Variants in DOCK5 observed in about 807,000 individuals in gnomAD.
DOCK5 encodes dedicator of cytokinesis protein 5.
DOCK5 carries 142 observed loss-of-function variants against 251.8 expected under a neutral mutation model. The observed-to-expected ratio is 0.56, with a 90% CI of 0.49 to 0.65. The LOEUF (loss-of-function observed/expected upper bound fraction) is 0.65. DOCK5 is among the 30% of genes least tolerant of loss of function. The probability of loss-of-function intolerance (pLI) is 0.00; values close to 1 mark genes in which losing one functional copy is unlikely to be tolerated. For missense variants in DOCK5, 2,111 were observed against 2,312.3 expected (o/e 0.91, Z 1.79); for synonymous variants, 842 against 835.5 (o/e 1.01, Z -0.13).
chr8:25,188,499 A>G (rs1801487558), intron 1 of DOCK5, among the ~76,000 whole-genome samples: 1 of 152,208 alleles, frequency 6.6e-6, no homozygotes, highest in Admixed American at 6.5e-5. Context: ...TGGACTCAGT[A>G]TGAATTGTGC....
At chr8:25,367,973 T>C (rs1800807526) in intron 31 of DOCK5, among the ~76,000 whole-genome samples, 1 of 152,162 alleles carries the variant, frequency 6.6e-6, no homozygotes, top group Non-Finnish European at 1.5e-5. Context: ...TCAGCTATTT[T>C]TCAGCGTTTC....
intron 4 of DOCK5, 81 bp downstream of exon 4, chr8:25,275,522 C>T: frequency 7.3e-7 from 1 of 1,366,218 alleles, no homozygotes; most frequent in Non-Finnish European, 1.0e-6. Flanking sequence ...GGCATTAATG[C>T]CTTATGTACG....
intron 34 of DOCK5, 128 bp downstream of exon 34, chr8:25,369,769 C>T (rs143725247): frequency 2.9e-6 from 2 of 698,296 alleles, no homozygotes; most frequent in African/African-American, 1.8e-5. Context: ...CCACTGTGGT[C>T]TTCAGTATGG....
chr8:25,374,414 G>A, intron 36 of DOCK5, 150 bp from the exon 37 acceptor site: 1 of 731,372 alleles, frequency 1.4e-6, no homozygotes, highest in East Asian at 2.6e-5. Flanking sequence ...TGGATCACTT[G>A]AGCCCTGGGG....
At chr8:25,275,283 G>A (rs1804016738) in intron 3 of DOCK5, 103 bp from the exon 4 acceptor site, 2 of 896,386 alleles carry the variant, frequency 2.2e-6, no homozygotes, top group Non-Finnish European at 3.4e-6. Context: ...TTTAGCTATT[G>A]CCTGGGTGTT....
chr8:25,364,953 CAA>C (rs1339098225), intron 30 of DOCK5, among the ~76,000 whole-genome samples: 1 of 152,026 alleles, frequency 6.6e-6, no homozygotes, highest in Non-Finnish European at 1.5e-5. Context: ...AGTAGAAGAT[CAA>C]AAATATAAAT....
chr8:25,189,272 G>A (rs1801516356), intron 1 of DOCK5, among the ~76,000 whole-genome samples: 1 of 152,044 alleles, frequency 6.6e-6, no homozygotes. Flanking sequence ...TGTCCAGGCT[G>A]ATCTGGAACT....
chr8:25,298,058 T>TA (rs145331060), intron 7 of DOCK5, among the ~76,000 whole-genome samples: 1,895 of 125,876 alleles, frequency 0.015, 13 homozygotes, highest in Non-Finnish European at 0.017. Context: ...CCCTGCCTCT[T>TA]AAAAAAAAAA....
intron 1 of DOCK5, among the ~76,000 whole-genome samples, chr8:25,185,371 TG>T (rs1563299160): frequency 3.3e-5 from 5 of 152,270 alleles, no homozygotes; most frequent in Admixed American, 3.3e-4. Context: ...ATTGTCCCAG[TG>T]CTTTCTGCCC....
intron 1 of DOCK5, among the ~76,000 whole-genome samples, chr8:25,204,181 G>A (rs1801944176): frequency 6.6e-6 from 1 of 152,152 alleles, no homozygotes; most frequent in South Asian, 2.1e-4. Flanking sequence ...AGACTTCATA[G>A]AAGTAACTTC....
intron 13 of DOCK5, among the ~76,000 whole-genome samples, chr8:25,310,892 TACTC>T (rs1043920963): frequency 6.6e-6 from 1 of 152,168 alleles, no homozygotes; most frequent in Non-Finnish European, 1.5e-5. Flanking sequence ...CAAATTTTCT[TACTC>T]TCTCTTTTAC....
Position 25,376,407 on chromosome 8 carries a change from ATCTCTT to A in DOCK5, c.3817-894_3817-889del, listed in dbSNP as rs1024427643. 72 of 977,860 alleles carry A rather than the reference ATCTCTT, an allele frequency of 7.4e-5. No homozygotes were observed. In the East Asian group the frequency reaches 4.5e-3, roughly 61 times the overall value. 60.6% of individuals were successfully genotyped at this position (977,860 alleles called of 1,614,324 possible). A position where few individuals can be genotyped will look rare whatever the true frequency, so the allele number is the denominator to read the frequency against. On this transcript the variant is annotated intron_variant, in intron 37 of 51. Transcript: ENST00000276440. ...TAAATTCTTATTTTGGGGGGAGGGA[ATCTCTT>A]TCTAGATTGTATATGCTTTTACGTG...
chr8:25,319,797 G>A (rs1805371987), intron 15 of DOCK5, 121 bp downstream of exon 15: 1 of 624,182 alleles, frequency 1.6e-6, no homozygotes, highest in Non-Finnish European at 2.8e-6. Flanking sequence ...TGCCTATGGT[G>A]TGCAGTAAGA....
chr8:25,215,700 CT>C (rs34189874), intron 1 of DOCK5, among the ~76,000 whole-genome samples: 2 of 151,854 alleles, frequency 1.3e-5, no homozygotes, highest in East Asian at 1.9e-4. Context: ...GAACACATCT[CT>C]TTTTTTTCAC....
At chr8:25,352,273 G>GAGGA (rs1166261854) in intron 27 of DOCK5, among the ~76,000 whole-genome samples, 9 of 136,608 alleles carry the variant, frequency 6.6e-5, no homozygotes, top group Non-Finnish European at 6.3e-5. Flanking sequence ...GGGAGGGAGG[G>GAGGA]AGGAAGGAAG....
rs369892093 is a variant in DOCK5, at chr8:25,218,959, C to T, written c.44-24715C>T. Reference sequence around the variant, plus strand: ...ATCAAGTAACACTTTCCTTCGTCTTCTTCTCACCCAAATCTCACTGATACT... The same window carrying T: ...ATCAAGTAACACTTTCCTTCGTCTTTTTCTCACCCAAATCTCACTGATACT... On this transcript the variant is annotated intron_variant, in intron 1 of 51. Transcript: ENST00000276440. Among the ~76,000 whole-genome samples, 15 of 152,322 alleles carry T rather than the reference C, an allele frequency of 9.8e-5. No homozygotes were observed. In the East Asian group the frequency reaches 2.1e-3, roughly 22 times the overall value.
chr8:25,310,911 ACT>A (rs1464302528), intron 13 of DOCK5, among the ~76,000 whole-genome samples: 11 of 151,950 alleles, frequency 7.2e-5, no homozygotes, highest in African/African-American at 2.7e-4. Flanking sequence ...TTTTACGCAG[ACT>A]CTCTCAAATA....
chr8:25,275,406 T>C lies in DOCK5; in HGVS notation c.189T>C (p.Tyr63=). The change falls in exon 4 of 52, where the codon TAT becomes TAC. Residue 63 remains tyrosine, a synonymous_variant. Coordinates refer to ENST00000276440, the MANE Select transcript of DOCK5 (RefSeq NM_024940.8). ...TGTAGGGCATTTTCCCTGAAACATA[T>C]ATCCATTTGAAAGAGGCAACTGTGG... ...KSKKGIFPET[Y]IHLKEATVED... is the part of the protein sequence containing the mutation. 2 of 1,609,218 alleles carry C rather than the reference T, an allele frequency of 1.2e-6. No individual in the cohort carries two copies. The highest frequency in any genetic ancestry group is 1.7e-6 in the Non-Finnish European group (2 of 1,178,690).
intron 1 of DOCK5, among the ~76,000 whole-genome samples, chr8:25,188,008 C>T (rs1801475795): frequency 6.6e-6 from 1 of 152,198 alleles, no homozygotes; most frequent in Admixed American, 6.5e-5. Context: ...GTTTTGTATT[C>T]CTAGCACTCA....
Sources: allele counts gnomAD v4.1 joint callset (sites outside exome capture counted in the v4.1 genomes callset), GRCh38; gene constraint gnomAD v4.1.1; transcripts MANE v1.5; gene names NCBI Gene and HGNC (gene_info 2026-07-23, HGNC 2026-07-21).